The following NRIP3 variants were observed in gnomAD, a reference collection of about 807,000 sequenced individuals.
NRIP3 encodes nuclear receptor interacting protein 3.
A neutral mutation model predicts 29.0 loss-of-function variants in NRIP3; 31 were observed. The ratio of observed to expected loss-of-function variants is 1.07; its 90% confidence interval spans 0.80 to 1.44. NRIP3 has a LOEUF of 1.44. Among genes scored for constraint, NRIP3 ranks in the 40% most tolerant of loss-of-function variants. The probability of loss-of-function intolerance (pLI) is 0.00; values close to 1 mark genes in which losing one functional copy is unlikely to be tolerated. For synonymous variants in NRIP3, 131 were observed against 118.3 expected (o/e 1.11, Z -0.70); for missense variants, 314 against 297.9 (o/e 1.05, Z -0.40).
Position 8,982,002 on chromosome 11 carries a change from A to G in NRIP3, c.*1543T>C, listed in dbSNP as rs1854423360. On this transcript the variant is annotated 3_prime_UTR_variant, in exon 7 of 7. Transcript: ENST00000309166. Reference sequence around the variant, plus strand: ...AACACCAGACAAGGTAGTTGGTAGTACTTGGCAAAGTTCAAAGTGGGATCC... The same window carrying G: ...AACACCAGACAAGGTAGTTGGTAGTGCTTGGCAAAGTTCAAAGTGGGATCC... 1 of 152,230 alleles carries G rather than the reference A, an allele frequency of 6.6e-6. No individual in the cohort carries two copies. Among genetic ancestry groups the G allele is most frequent in the Admixed American group, 6.5e-5 (1 of 15,274 alleles). 9.4% of individuals were successfully genotyped at this position (152,230 alleles called of 1,614,324 possible). A position where few individuals can be genotyped will look rare whatever the true frequency, so the allele number is the denominator to read the frequency against.
At chr11:9,004,049 CG>C (rs1199030781), upstream of NRIP3, 1 of 1,098,178 alleles carries the variant, frequency 9.1e-7, no homozygotes, top group Non-Finnish European at 1.2e-6. Context: ...CGTGACGTCG[CG>C]GGGAGCAGCC....
rs1255199254 is a variant in NRIP3 at position 8,983,285 on chromosome 11, A to G, written c.*260T>C. The G allele has an allele frequency of 1.8e-6, 1 of 552,498 alleles. No homozygotes were observed. Among genetic ancestry groups the G allele is most frequent in the African/African-American group, 1.9e-5 (1 of 52,460 alleles). The allele number at this position is 552,498 out of a possible 1,614,324, so 34.2% of individuals were successfully genotyped here. On this transcript the variant is annotated 3_prime_UTR_variant, in exon 7 of 7. Coordinates refer to ENST00000309166, the MANE Select transcript of NRIP3 (RefSeq NM_020645.3). ...GGAAGAAGCAGAGAAATAGGCCACA[A>G]GTGAGACTGGCAGTGTCAAAAAAGG... is the stretch of plus-strand genomic sequence containing the variant.
upstream of NRIP3, chr11:9,004,249 T>G (rs770076562): frequency 7.0e-4 from 150 of 214,312 alleles, no homozygotes; most frequent in Non-Finnish European, 1.2e-3. Context: ...CGCCCCCTCC[T>G]GCGTGGGGGC....
At chr11:8,989,580 A>G (rs1341841691) in intron 1 of NRIP3, among the ~76,000 whole-genome samples, 1 of 152,198 alleles carries the variant, frequency 6.6e-6, no homozygotes, top group African/African-American at 2.4e-5. Flanking sequence ...TGGATTCCCA[A>G]AATACACTGA....
Position 8,982,749 on chromosome 11 carries a change from C to T in NRIP3, c.*796G>A. 1 of 273,748 alleles carries T rather than the reference C, an allele frequency of 3.7e-6. No homozygotes were observed. Among genetic ancestry groups the T allele is most frequent in the South Asian group, 3.6e-5 (1 of 28,092 alleles). 17.0% of individuals were successfully genotyped at this position (273,748 alleles called of 1,614,324 possible). On this transcript the variant is annotated 3_prime_UTR_variant, in exon 7 of 7. Coordinates refer to ENST00000309166, the MANE Select transcript of NRIP3 (RefSeq NM_020645.3). ...GACAGTTTGGGGCAAGGAACTTTTA[C>T]TGGGCTTGGCACACAGGAGGGAGAG...
At position 8,985,742 on chromosome 11, in the gene NRIP3, G is replaced by A; in HGVS notation, c.531C>T (p.Ser177=). The A allele has an allele frequency of 1.2e-6, 2 of 1,614,134 alleles. No individual in the cohort carries two copies. Among genetic ancestry groups the A allele is most frequent in the East Asian group, 2.2e-5 (1 of 44,880 alleles). ...QIEHLVITLG[S]LRLDCPAAVV... Reference sequence around the variant, plus strand: ...CAGCTGCTGGGCAGTCCAGGCGGAGGGAGCCCAGTGTGATCACTAGGTGCT... The same window carrying A: ...CAGCTGCTGGGCAGTCCAGGCGGAGAGAGCCCAGTGTGATCACTAGGTGCT... Residue 177 remains serine (S), a synonymous_variant, in exon 4 of 7, where the codon TCC becomes TCT. Coordinates refer to ENST00000309166, the MANE Select transcript of NRIP3 (RefSeq NM_020645.3).
At chr11:8,992,168 A>AT (rs1275246750) in intron 1 of NRIP3, among the ~76,000 whole-genome samples, 6 of 152,358 alleles carry the variant, frequency 3.9e-5, no homozygotes, top group Admixed American at 3.9e-4. Context: ...AGTTACAGGT[A>AT]TCAGAACCTC....
chr11:8,994,126 A>G (rs1344018432), intron 1 of NRIP3, among the ~76,000 whole-genome samples: 1 of 152,176 alleles, frequency 6.6e-6, no homozygotes, highest in African/African-American at 2.4e-5. Flanking sequence ...CTTCAGGGCT[A>G]TTGACTCTGT....
chr11:9,004,023 G>T, upstream of NRIP3: 2 of 1,256,436 alleles, frequency 1.6e-6, no homozygotes, highest in Non-Finnish European at 2.1e-6. Context: ...CCCGAGCCGC[G>T]CCTTTTATAG....
At chr11:8,990,349 T>C (rs970627767) in intron 1 of NRIP3, among the ~76,000 whole-genome samples, 9 of 152,318 alleles carry the variant, frequency 5.9e-5, no homozygotes, top group East Asian at 1.9e-4. Flanking sequence ...CCAAATACAA[T>C]AGACATTTTC....
At chr11:9,004,057 A>G, upstream of NRIP3, 1 of 992,140 alleles carries the variant, frequency 1.0e-6, no homozygotes, top group Non-Finnish European at 1.3e-6. Flanking sequence ...CGCGGGGAGC[A>G]GCCAGTGCGC....
intron 1 of NRIP3, among the ~76,000 whole-genome samples, chr11:8,990,956 C>G (rs532142774): frequency 3.4e-4 from 51 of 152,136 alleles, no homozygotes; most frequent in African/African-American, 1.2e-3. Flanking sequence ...ATATAAAAGA[C>G]TAATCATACT....
Position 8,988,258 on chromosome 11 carries a change from G to A in NRIP3, c.199C>T (p.Arg67Cys), listed in dbSNP as rs145566799. ...TTAGACAGGTTGGTTTCCATGAGGC[G>A]CCTCTGCAGAATATTATGAGGTTGC... Reference protein sequence around the residue: ...DMQPHNILQRRLMETNLSKLR... With the variant: ...DMQPHNILQRCLMETNLSKLR... Residue 67 changes from arginine (R) to cysteine (C), a missense_variant, in exon 2 of 7, where the codon CGC (arginine) becomes TGC (cysteine). Arg to Cys is a radical substitution (Grantham distance 180). Transcript: ENST00000309166. The A allele has an allele frequency of 2.4e-4, 395 of 1,613,906 alleles. No individual in the cohort carries two copies. Among genetic ancestry groups the A allele is most frequent in the Non-Finnish European group, 3.1e-4 (366 of 1,179,840 alleles).
intron 1 of NRIP3, among the ~76,000 whole-genome samples, chr11:8,991,669 G>A (rs1279364354): frequency 3.9e-5 from 6 of 152,222 alleles, no homozygotes; most frequent in African/African-American, 1.4e-4. Context: ...AAAGCTAAGT[G>A]CTTTATACCA....
At chr11:8,995,348 C>T (rs1854683543) in intron 1 of NRIP3, among the ~76,000 whole-genome samples, 1 of 152,192 alleles carries the variant, frequency 6.6e-6, no homozygotes, top group African/African-American at 2.4e-5. Flanking sequence ...TTACTTTTCT[C>T]CAAACCTTAC....
At chr11:8,995,971 C>T (rs1589963672) in intron 1 of NRIP3, among the ~76,000 whole-genome samples, 1 of 152,156 alleles carries the variant, frequency 6.6e-6, no homozygotes, top group African/African-American at 2.4e-5. Flanking sequence ...TAGTTAGGTC[C>T]CTCTTATCTT....
intron 1 of NRIP3, among the ~76,000 whole-genome samples, chr11:9,000,700 A>G (rs1217361046): frequency 6.6e-6 from 1 of 152,214 alleles, no homozygotes; most frequent in African/African-American, 2.4e-5. Context: ...TGAACCTGGT[A>G]GCTAAAACAA....
At chr11:8,996,983 T>G (rs1276261594) in intron 1 of NRIP3, among the ~76,000 whole-genome samples, 1 of 151,910 alleles carries the variant, frequency 6.6e-6, no homozygotes, top group Non-Finnish European at 1.5e-5. Flanking sequence ...GGAGCTGAGG[T>G]GGGAGGATCA....
At chr11:8,993,155 A>G (rs1854638550) in intron 1 of NRIP3, among the ~76,000 whole-genome samples, 1 of 152,224 alleles carries the variant, frequency 6.6e-6, no homozygotes, top group African/African-American at 2.4e-5. Context: ...CAGGTTGCCT[A>G]CAGGCCTTAA....
Sources: allele counts gnomAD v4.1 joint callset (sites outside exome capture counted in the v4.1 genomes callset), GRCh38; gene constraint gnomAD v4.1.1; transcripts MANE v1.5; gene names NCBI Gene and HGNC (gene_info 2026-07-23, HGNC 2026-07-21).